Variants in ILDR1 observed in about 807,000 individuals in gnomAD.
ILDR1 encodes immunoglobulin like domain containing receptor 1.
A neutral mutation model predicts 62.4 loss-of-function variants in ILDR1; 56 were observed. The observed-to-expected ratio is 0.90, with a 90% CI of 0.72 to 1.12. The LOEUF is 1.12. ILDR1 is among the 50% of genes most tolerant of loss of function. ILDR1 has a pLI of 0.00. For synonymous variants in ILDR1, 284 were observed against 277.8 expected (o/e 1.02, Z -0.22); for missense variants, 736 against 710.6 (o/e 1.04, Z -0.41).
In ILDR1 at chr3:121,987,754, T is replaced by C. The variant is rs2071272785; in HGVS notation, c.*613A>G. The C allele has an allele frequency of 5.6e-6, 1 of 180,112 alleles. No homozygotes were observed. Among genetic ancestry groups the C allele is most frequent in the Admixed American group, 5.4e-5 (1 of 18,468 alleles). 11.2% of individuals were successfully genotyped at this position (180,112 alleles called of 1,614,324 possible). A position where few individuals can be genotyped will look rare whatever the true frequency, so the allele number is the denominator to read the frequency against. On this transcript the variant is annotated 3_prime_UTR_variant, in exon 8 of 8. Coordinates refer to ENST00000344209, the MANE Select transcript of ILDR1 (RefSeq NM_001199799.2). ...GGCCAGGGTTCTGGGCAGTGTAGTC[T>C]ACTGAAAGACTCAGGCTACTAAGTT...
intron 2 of ILDR1, 145 bp from the exon 3 acceptor site, chr3:122,005,538 C>A: frequency 2.5e-6 from 2 of 800,706 alleles, no homozygotes; most frequent in South Asian, 1.7e-5. Context: ...TTGTTAATCA[C>A]GAAGATCCTG....
chr3:122,011,099 C>T (rs1474979242), intron 1 of ILDR1, among the ~76,000 whole-genome samples: 2 of 151,918 alleles, frequency 1.3e-5, no homozygotes, highest in East Asian at 3.9e-4. Flanking sequence ...GCTATGTGAG[C>T]AATAATTAAA....
chr3:122,028,253 G>C, the ILDR1 span, among the ~76,000 whole-genome samples: 1 of 150,480 alleles, frequency 6.6e-6, no homozygotes, highest in African/African-American at 2.4e-5. Flanking sequence ...GGAGAATGGC[G>C]TGAACCCGGG....
In ILDR1 at chr3:121,993,733, A is replaced by G; in HGVS notation, c.1016T>C (p.Leu339Pro). The G allele has an allele frequency of 6.2e-7, 1 of 1,614,122 alleles. No individual in the cohort carries two copies. The highest frequency in any genetic ancestry group is 8.5e-7 in the Non-Finnish European group (1 of 1,180,002). The change falls in exon 7 of 8, where the codon CTG becomes CCG. Residue 339 changes from leucine to proline, a missense_variant. Leu to Pro is a moderately conservative substitution (Grantham distance 98). Coordinates refer to ENST00000344209, the MANE Select transcript of ILDR1 (RefSeq NM_001199799.2). ...IIHLPPLIRD[L>P]SSSRRTSDSL... The stretch of plus-strand genomic sequence containing the variant: ...GTCACTGGTCCTCCTTGAGGATGAC[A>G]GGTCTCTGATCAGTGGGGGCAGGTG...
At chr3:122,040,753 G>T in the ILDR1 span, among the ~76,000 whole-genome samples, 1 of 128,982 alleles carries the variant, frequency 7.8e-6, no homozygotes, top group Non-Finnish European at 1.7e-5. Context: ...AAAAAAACAA[G>T]AATTAGCTCA....
chr3:122,013,546 C>T (rs1480209494), intron 1 of ILDR1, among the ~76,000 whole-genome samples: 1 of 152,136 alleles, frequency 6.6e-6, no homozygotes, highest in Non-Finnish European at 1.5e-5. Flanking sequence ...AGCAGGCTAT[C>T]TCACCAAGCA....
At chr3:122,032,758 G>C in the ILDR1 span, among the ~76,000 whole-genome samples, 1 of 152,200 alleles carries the variant, frequency 6.6e-6, no homozygotes, top group Non-Finnish European at 1.5e-5. Context: ...CAGTACTATG[G>C]AAAGTCCACA....
chr3:122,034,213 T>C, the ILDR1 span, among the ~76,000 whole-genome samples: 1 of 152,246 alleles, frequency 6.6e-6, no homozygotes. Flanking sequence ...TTTAAATATA[T>C]TGACCACAAG....
At chr3:122,036,954 C>T in the ILDR1 span, among the ~76,000 whole-genome samples, 2 of 152,238 alleles carry the variant, frequency 1.3e-5, no homozygotes, top group Non-Finnish European at 1.5e-5. Context: ...CAGGCCATGG[C>T]TTCAGAGGGT....
At chr3:122,001,114 A>C (rs542593191) in intron 5 of ILDR1, among the ~76,000 whole-genome samples, 194 bp downstream of exon 5, 1 of 152,306 alleles carries the variant, frequency 6.6e-6, no homozygotes, top group African/African-American at 2.4e-5. Context: ...GGACAGGCAA[A>C]TGTCCTTCCA....
At chr3:122,025,028 A>G (rs961068969), upstream of ILDR1, among the ~76,000 whole-genome samples, 1 of 152,234 alleles carries the variant, frequency 6.6e-6, no homozygotes, top group Non-Finnish European at 1.5e-5. Flanking sequence ...AATAAAGATT[A>G]GATAAGAGCA....
rs2071592957 is a variant in ILDR1, at chr3:122,005,409, A to C, written c.230-16T>G. On this transcript the variant is annotated splice_polypyrimidine_tract_variant and intron_variant, in intron 2 of 7. Transcript: ENST00000344209. ...GCCTGGTATGCTGAGGAGAGAGGGC[A>C]CACTAGAGTCACACAGCAATAGGGG... The C allele has an allele frequency of 6.2e-7, 1 of 1,614,048 alleles. No individual in the cohort carries two copies. Among genetic ancestry groups the C allele is most frequent in the South Asian group, 1.1e-5 (1 of 91,084 alleles).
At chr3:122,011,683 A>ACACACACACACACACC (rs2071706636) in intron 1 of ILDR1, among the ~76,000 whole-genome samples, 1 of 150,938 alleles carries the variant, frequency 6.6e-6, no homozygotes, top group African/African-American at 2.4e-5. Flanking sequence ...TCTTTCACAC[A>ACACACACACACACACC]CACACACACA....
intron 1 of ILDR1, among the ~76,000 whole-genome samples, chr3:122,009,052 G>A (rs2071662986): frequency 6.6e-6 from 1 of 151,670 alleles, no homozygotes; most frequent in Admixed American, 6.6e-5. Context: ...TCCCATCTCA[G>A]CCTCCCAAGT....
chr3:122,009,284 G>A (rs1457836156), intron 1 of ILDR1, among the ~76,000 whole-genome samples: 1 of 145,734 alleles, frequency 6.9e-6, no homozygotes, highest in African/African-American at 2.5e-5. Flanking sequence ...ACTGCTCTAA[G>A]GACCATACTC....
chr3:121,993,770 G>C lies in ILDR1; in HGVS notation c.979C>G (p.Arg327Gly), dbSNP rs778078949. ...AGTGGGGGCAGGTGGATGATTCTGC[G>C]TTCCACGACCTCAGAGCCCAGGGAG... ...LSSLGSEVVE[R>G]RIIHLPPLIR... Residue 327 changes from arginine (R) to glycine (G), a missense_variant, in exon 7 of 8, where the codon CGC becomes GGC. Coordinates refer to ENST00000344209, the MANE Select transcript of ILDR1 (RefSeq NM_001199799.2). 1.5e-5 allele frequency: 25 copies of C among 1,614,046 alleles called. No individual in the cohort carries two copies. Among genetic ancestry groups the C allele is most frequent in the Middle Eastern group, 1.6e-4 (1 of 6,080 alleles).
chr3:122,060,832 A>G, the ILDR1 span, among the ~76,000 whole-genome samples: 1 of 152,184 alleles, frequency 6.6e-6, no homozygotes, highest in Non-Finnish European at 1.5e-5. Flanking sequence ...GAGGCTTCGC[A>G]GAGGTAAAGC....
Position 122,005,269 on chromosome 3 carries a change from C to CCGGTAAT in ILDR1, c.347_353dup (p.Gln119LeufsTer18). Reference sequence around the variant, plus strand: ...GGTTCTGGATGGTGATCTTGCGCTGCCGGTAATCTACCCCCAGCACGGGCT... The same window carrying CCGGTAAT: ...GGTTCTGGATGGTGATCTTGCGCTGCCGGTAATCGGTAATCTACCCCCAGCACGGGCT... On this transcript the variant is annotated frameshift_variant, in exon 3 of 8. Transcript: ENST00000344209. LOFTEE classifies it high-confidence loss of function. 4 of 1,595,422 alleles carry CCGGTAAT rather than the reference C, an allele frequency of 2.5e-6. No homozygotes were observed. Among genetic ancestry groups the CCGGTAAT allele is most frequent in the Non-Finnish European group, 3.4e-6 (4 of 1,170,274 alleles).
chr3:122,061,413 T>C, the ILDR1 span, among the ~76,000 whole-genome samples: 2 of 152,148 alleles, frequency 1.3e-5, no homozygotes, highest in African/African-American at 4.8e-5. Context: ...TCAGTAACTT[T>C]TAAAAAGAAA....
Sources: allele counts gnomAD v4.1 joint callset (sites outside exome capture counted in the v4.1 genomes callset), GRCh38; gene constraint gnomAD v4.1.1; transcripts MANE v1.5; gene names NCBI Gene and HGNC (gene_info 2026-07-23, HGNC 2026-07-21).